Variants in DAAM1 observed in about 807,000 individuals in gnomAD.
The protein encoded by DAAM1 is dishevelled associated activator of morphogenesis 1.
DAAM1 carries 52 observed loss-of-function variants against 130.0 expected under a neutral mutation model. The ratio of observed to expected loss-of-function variants is 0.40; its 90% CI spans 0.32 to 0.50. The LOEUF is 0.50. Among genes scored for constraint, DAAM1 ranks in the 20% least tolerant of loss-of-function variants. DAAM1 has a pLI of 0.61. For missense variants in DAAM1, 1,134 were observed against 1,303.8 expected (o/e 0.87, Z 2.01); for synonymous variants, 452 against 444.5 (o/e 1.02, Z -0.21).
At chr14:59,363,960 T>C (rs1394266035) in intron 23 of DAAM1, among the ~76,000 whole-genome samples, 178 bp downstream of exon 23, 6 of 152,238 alleles carry the variant, frequency 3.9e-5, no homozygotes, top group African/African-American at 1.4e-4. Flanking sequence ...CATAGGTGTA[T>C]TTTCATTTCC....
intron 19 of DAAM1, among the ~76,000 whole-genome samples, 179 bp from the exon 20 acceptor site, chr14:59,354,986 C>T (rs1202602638): frequency 1.3e-5 from 2 of 152,164 alleles, no homozygotes; most frequent in Non-Finnish European, 2.9e-5. Context: ...TCTCCCTGTC[C>T]TTGTTCTTTG....
intron 1 of DAAM1, among the ~76,000 whole-genome samples, chr14:59,209,237 C>CTGTT (rs59376847): frequency 6.6e-6 from 1 of 151,926 alleles, no homozygotes; most frequent in Non-Finnish European, 1.5e-5. Flanking sequence ...TGCTGGATGG[C>CTGTT]ACCTTTTATG....
At chr14:59,275,001 T>C (rs1882896188) in intron 2 of DAAM1, among the ~76,000 whole-genome samples, 1 of 152,236 alleles carries the variant, frequency 6.6e-6, no homozygotes. Flanking sequence ...GATTGTCTTT[T>C]GACCCAATTA....
chr14:59,270,661 T>C (rs1279770776), intron 2 of DAAM1, among the ~76,000 whole-genome samples: 3 of 152,210 alleles, frequency 2.0e-5, no homozygotes, highest in Non-Finnish European at 4.4e-5. Flanking sequence ...GCACCTCCTC[T>C]GGCTACTTTA....
intron 1 of DAAM1, among the ~76,000 whole-genome samples, chr14:59,206,810 T>A (rs1194824726): frequency 6.6e-6 from 1 of 152,232 alleles, no homozygotes; most frequent in Non-Finnish European, 1.5e-5. Flanking sequence ...AAAAATACTC[T>A]AGTAGATTTA....
chr14:59,368,930 C>G lies in DAAM1; in HGVS notation c.*71C>G. On this transcript the variant is annotated 3_prime_UTR_variant, in exon 25 of 25. Coordinates refer to ENST00000360909, the MANE Select transcript of DAAM1 (RefSeq NM_001270520.2). Reference sequence around the variant, plus strand: ...AAAGTGACTAGAACGTTTCATTACACTGCCTTGCAATCCAAACAGTGGCAA... The same window carrying G: ...AAAGTGACTAGAACGTTTCATTACAGTGCCTTGCAATCCAAACAGTGGCAA... The G allele has an allele frequency of 7.0e-7, 1 of 1,438,432 alleles. No individual in the cohort carries two copies. Among genetic ancestry groups the G allele is most frequent in the Non-Finnish European group, 9.5e-7 (1 of 1,057,872 alleles). The allele number at this position is 1,438,432 out of a possible 1,614,324, so 89.1% of individuals were successfully genotyped here. A position where few individuals can be genotyped will look rare whatever the true frequency, so the allele number is the denominator to read the frequency against.
At chr14:59,281,113 C>G (rs551723485) in intron 2 of DAAM1, among the ~76,000 whole-genome samples, 1 of 152,274 alleles carries the variant, frequency 6.6e-6, no homozygotes, top group African/African-American at 2.4e-5. Context: ...CCAAAACATA[C>G]CTGCTATGGA....
intron 1 of DAAM1, among the ~76,000 whole-genome samples, chr14:59,197,199 C>T (rs1887927602): frequency 6.6e-6 from 1 of 152,206 alleles, no homozygotes; most frequent in African/African-American, 2.4e-5. Flanking sequence ...GGATTACAGG[C>T]GTGAGCCACC....
At chr14:59,204,354 A>T (rs1239330319) in intron 1 of DAAM1, among the ~76,000 whole-genome samples, 1 of 152,200 alleles carries the variant, frequency 6.6e-6, no homozygotes, top group Admixed American at 6.5e-5. Context: ...TTTAGCTTCT[A>T]GAGGCCACCC....
intron 1 of DAAM1, among the ~76,000 whole-genome samples, chr14:59,241,622 T>A (rs1434595537): frequency 6.6e-6 from 1 of 152,214 alleles, no homozygotes; most frequent in African/African-American, 2.4e-5. Context: ...ATTTTGCTCC[T>A]TAATTCTGCT....
intron 1 of DAAM1, among the ~76,000 whole-genome samples, chr14:59,192,170 GT>G (rs1887753108): frequency 6.6e-6 from 1 of 150,832 alleles, no homozygotes; most frequent in Non-Finnish European, 1.5e-5. Context: ...GTGTGTGTGT[GT>G]GTGTGTGTGT....
intron 3 of DAAM1, among the ~76,000 whole-genome samples, chr14:59,304,308 A>G (rs919035108): frequency 5.9e-5 from 9 of 152,214 alleles, no homozygotes; most frequent in African/African-American, 1.4e-4. Flanking sequence ...ACCTAGTACT[A>G]TTGAATCATT....
At position 59,338,405 on chromosome 14, in the gene DAAM1, C is replaced by G. The variant is rs565663918; in HGVS notation, c.1969-1669C>G. The G allele has an allele frequency of 3.7e-5, 60 of 1,613,756 alleles. 1 individual carries two copies. In the South Asian group the frequency reaches 6.0e-4, roughly 16 times the overall value. The stretch of plus-strand genomic sequence containing the variant: ...TGTAGGATTTCTTTGTGAACAGTAA[C>G]TCCAAGCAGGTAAGTGAGCTACTAC... On this transcript the variant is annotated intron_variant, in intron 15 of 24. Transcript: ENST00000360909.
intron 15 of DAAM1, among the ~76,000 whole-genome samples, chr14:59,334,024 A>T (rs2139640226): frequency 6.6e-6 from 1 of 152,376 alleles, no homozygotes; most frequent in South Asian, 2.1e-4. Flanking sequence ...TAGACCAGTA[A>T]GTAGAATCAG....
chr14:59,238,211 G>T (rs1311703248), intron 1 of DAAM1, among the ~76,000 whole-genome samples: 2 of 152,162 alleles, frequency 1.3e-5, no homozygotes, highest in Admixed American at 1.3e-4. Context: ...TAGAGATAGG[G>T]AGTGGCTGGT....
chr14:59,226,742 T>C (rs938736337), intron 1 of DAAM1, among the ~76,000 whole-genome samples: 1 of 152,176 alleles, frequency 6.6e-6, no homozygotes, highest in Non-Finnish European at 1.5e-5. Flanking sequence ...AGTAGAAGTT[T>C]AGAAAGATGG....
chr14:59,216,105 G>T (rs1407956657), intron 1 of DAAM1, among the ~76,000 whole-genome samples: 4 of 152,136 alleles, frequency 2.6e-5, no homozygotes, highest in Non-Finnish European at 4.4e-5. Flanking sequence ...TCCCAGCCCT[G>T]TTTGAGCTGA....
At chr14:59,354,263 C>T (rs561474176) in intron 19 of DAAM1, among the ~76,000 whole-genome samples, 71 of 152,150 alleles carry the variant, frequency 4.7e-4, no homozygotes, top group African/African-American at 9.9e-4. Context: ...GGTTTCACCA[C>T]GTTAGCCAGG....
chr14:59,262,935 ACT>A (rs1468413406), intron 1 of DAAM1, among the ~76,000 whole-genome samples: 1 of 152,186 alleles, frequency 6.6e-6, no homozygotes, highest in Non-Finnish European at 1.5e-5. Context: ...AGGAAGACAC[ACT>A]CATAAAGAGC....
Sources: allele counts gnomAD v4.1 joint callset (sites outside exome capture counted in the v4.1 genomes callset), GRCh38; gene constraint gnomAD v4.1.1; transcripts MANE v1.5; gene names NCBI Gene and HGNC (gene_info 2026-07-23, HGNC 2026-07-21).